Variants in ASTN2 observed in about 807,000 individuals in gnomAD.
ASTN2 encodes astrotactin 2, also known as astrotactin-2.
ASTN2 carries 54 observed loss-of-function variants against 139.8 expected under a neutral mutation model. That is an observed-to-expected ratio of 0.39 (90% CI 0.31 to 0.48). ASTN2 has a LOEUF of 0.48. Ranked by LOEUF, ASTN2 falls within the 20% of genes least tolerant of loss-of-function variation. The probability of loss-of-function intolerance (pLI) is 0.95; values close to 1 mark genes in which losing one functional copy is unlikely to be tolerated. For missense variants in ASTN2, 1,565 were observed against 1,725.1 expected, an observed-to-expected ratio of 0.91 and a Z score of 1.64; for synonymous variants, 756 against 719.5, an observed-to-expected ratio of 1.05 and a Z score of -0.81.
intron 3 of ASTN2, among the ~76,000 whole-genome samples, chr9:117,178,708 A>G (rs1488357918): frequency 6.6e-6 from 1 of 152,240 alleles, no homozygotes; most frequent in African/African-American, 2.4e-5. Flanking sequence ...AGATCCAATT[A>G]GCAAGGGCAC....
intron 1 of ASTN2, among the ~76,000 whole-genome samples, chr9:117,339,816 T>C (rs1829007802): frequency 6.6e-6 from 1 of 151,014 alleles, no homozygotes; most frequent in African/African-American, 2.4e-5. Context: ...TCAGCTATTC[T>C]GGCAAGAGAC....
intron 16 of ASTN2, chr9:116,686,720 T>G (rs1564206108): frequency 6.4e-7 from 1 of 1,550,464 alleles, no homozygotes; most frequent in Non-Finnish European, 8.7e-7. Context: ...GGACAGGGGC[T>G]GCAGAGTGTA....
chr9:116,533,169 A>G (rs1055725110), intron 19 of ASTN2, among the ~76,000 whole-genome samples: 1 of 151,982 alleles, frequency 6.6e-6, no homozygotes, highest in Non-Finnish European at 1.5e-5. Flanking sequence ...TTTGTCTGTT[A>G]TTGGTGTATA....
chr9:117,246,435 A>T (rs1390798860), intron 2 of ASTN2, among the ~76,000 whole-genome samples: 1 of 152,066 alleles, frequency 6.6e-6, no homozygotes, highest in African/African-American at 2.4e-5. Context: ...AAGCCATGCA[A>T]CTCCGCTGAG....
At chr9:117,025,823 G>T in intron 6 of ASTN2, among the ~76,000 whole-genome samples, 1 of 147,024 alleles carries the variant, frequency 6.8e-6, no homozygotes, top group South Asian at 2.1e-4. Flanking sequence ...ACAGAGTCTC[G>T]CTCTGTTGCC....
chr9:116,447,825 G>A (rs1334580570), intron 20 of ASTN2, among the ~76,000 whole-genome samples: 1 of 152,180 alleles, frequency 6.6e-6, no homozygotes, highest in Non-Finnish European at 1.5e-5. Context: ...TTAGTACTAA[G>A]CCACTGCCCA....
intron 4 of ASTN2, among the ~76,000 whole-genome samples, chr9:117,127,473 G>C (rs1021666082): frequency 2.6e-5 from 4 of 152,160 alleles, no homozygotes; most frequent in Admixed American, 2.6e-4. Context: ...CCTGACAAAA[G>C]CTTTATTTCC....
chr9:117,259,500 A>G (rs1833771577), intron 2 of ASTN2, among the ~76,000 whole-genome samples: 1 of 152,202 alleles, frequency 6.6e-6, no homozygotes, highest in Non-Finnish European at 1.5e-5. Context: ...CCATAGATCT[A>G]ATAAGAAACG....
At chr9:116,972,148 C>T (rs890656879) in intron 10 of ASTN2, among the ~76,000 whole-genome samples, 1 of 152,188 alleles carries the variant, frequency 6.6e-6, no homozygotes, top group Non-Finnish European at 1.5e-5. Flanking sequence ...TTCCATCACC[C>T]AGAAGTAATC....
intron 20 of ASTN2, among the ~76,000 whole-genome samples, chr9:116,473,287 A>G (rs10983186): frequency 0.056 from 8,544 of 152,298 alleles, 317 homozygotes; most frequent in East Asian, 0.16. Context: ...GTGCCAGGCC[A>G]TATGTTATGG....
intron 3 of ASTN2, among the ~76,000 whole-genome samples, chr9:117,170,797 C>A (rs75512493): frequency 0.042 from 6,376 of 152,220 alleles, 174 homozygotes; most frequent in South Asian, 0.067. Context: ...AGAAAAGAGG[C>A]AGGGAGCAGA....
intron 11 of ASTN2, among the ~76,000 whole-genome samples, chr9:116,828,018 C>T (rs879463321): frequency 9.2e-5 from 14 of 152,248 alleles, no homozygotes; most frequent in Middle Eastern, 3.4e-3. Flanking sequence ...AGCAAAAGGC[C>T]GGGCACAGTG....
intron 11 of ASTN2, among the ~76,000 whole-genome samples, chr9:116,839,883 T>TATTATTATTA (rs1554753098): frequency 3.2e-4 from 31 of 98,020 alleles, no homozygotes; most frequent in African/African-American, 1.2e-3. Flanking sequence ...TTATTATTAT[T>TATTATTATTA]TTTTTTTTTT....
intron 1 of ASTN2, among the ~76,000 whole-genome samples, chr9:117,404,974 C>G (rs1830941011): frequency 6.6e-6 from 1 of 152,000 alleles, no homozygotes; most frequent in South Asian, 2.1e-4. Context: ...CAAGTGGGTC[C>G]AGGAGTAACA....
intron 1 of ASTN2, among the ~76,000 whole-genome samples, chr9:117,376,814 C>T (rs1382283170): frequency 1.3e-5 from 2 of 152,110 alleles, no homozygotes; most frequent in East Asian, 1.9e-4. Context: ...ATCATAGGAG[C>T]TCAATAAATG....
chr9:117,049,401 G>A (rs1302651774), intron 5 of ASTN2, among the ~76,000 whole-genome samples: 2 of 152,178 alleles, frequency 1.3e-5, no homozygotes, highest in Non-Finnish European at 2.9e-5. Context: ...TCAGCCGAAT[G>A]TTTCCCTAAA....
At chr9:117,190,348 T>C (rs1238025266) in intron 3 of ASTN2, among the ~76,000 whole-genome samples, 1 of 152,208 alleles carries the variant, frequency 6.6e-6, no homozygotes, top group Non-Finnish European at 1.5e-5. Context: ...GGCTAAATTC[T>C]GCCTGTGAGT....
rs1023139892 is a variant in ASTN2, at chr9:117,414,363, C to A, written c.442+134G>T. ...TCCAACCACCTGTGCGACCTCTGGG[C>A]CCCTCCTCTACCCTCTGCCAACCCC... On this transcript the variant is annotated intron_variant, in intron 1 of 22. Transcript: ENST00000313400. The surrounding 1 kb of genome is among the most constrained non-coding windows in gnomAD (Gnocchi z 4.2). The A allele has an allele frequency of 5.8e-6, 8 of 1,388,380 alleles. No homozygotes were observed. The highest frequency in any genetic ancestry group is 6.6e-6 in the Non-Finnish European group (7 of 1,054,522). The allele number at this position is 1,388,380 out of a possible 1,614,324, so 86.0% of individuals were successfully genotyped here.
intron 17 of ASTN2, among the ~76,000 whole-genome samples, chr9:116,631,832 T>A (rs1301408032): frequency 6.6e-6 from 1 of 152,106 alleles, no homozygotes; most frequent in African/African-American, 2.4e-5. Context: ...ATATCACATG[T>A]AGGCCGGGCG....
Sources: gnomAD v4.1 joint callset for allele counts (sites outside exome capture counted in the v4.1 genomes callset) on GRCh38, gnomAD v4.1.1 for gene constraint, Gnocchi (gnomAD v3.1) non-coding constraint, MANE v1.5 for transcripts, NCBI Gene and HGNC (gene_info 2026-07-23, HGNC 2026-07-21) for gene names.